Variants in FERRY3 observed in about 807,000 individuals in gnomAD.
FERRY3 encodes FERRY endosomal RAB5 effector complex subunit 3.
chr12:4,518,753 CA>C, the FERRY3 span: 16 of 1,361,230 alleles, frequency 1.2e-5, no homozygotes, highest in Admixed American at 4.0e-5. Flanking sequence ...ATTATAACTG[CA>C]AAAAAATTAA....
the FERRY3 span, among the ~76,000 whole-genome samples, chr12:4,504,306 C>T: frequency 6.6e-6 from 1 of 152,134 alleles, no homozygotes; most frequent in Admixed American, 6.5e-5. Flanking sequence ...AAAAAACCAT[C>T]AAGAGATGGC....
the FERRY3 span, among the ~76,000 whole-genome samples, chr12:4,515,049 G>A: frequency 6.6e-6 from 1 of 152,076 alleles, no homozygotes; most frequent in Non-Finnish European, 1.5e-5. Context: ...CCTACACATT[G>A]TGCACATGTA....
chr12:4,534,229 G>A, the FERRY3 span: 1 of 1,612,198 alleles, frequency 6.2e-7, no homozygotes, highest in African/African-American at 1.3e-5. Context: ...CAGCTGCCAG[G>A]GATGCTTCAG....
chr12:4,527,765 C>CA, the FERRY3 span, among the ~76,000 whole-genome samples: 1 of 151,768 alleles, frequency 6.6e-6, no homozygotes, highest in Non-Finnish European at 1.5e-5. Context: ...AAATAAATTA[C>CA]AAAACTTTTA....
At chr12:4,492,758 T>C in the FERRY3 span, among the ~76,000 whole-genome samples, 1 of 152,170 alleles carries the variant, frequency 6.6e-6, no homozygotes, top group African/African-American at 2.4e-5. Flanking sequence ...ACCACTAATT[T>C]TGGCTATTTT....
At chr12:4,503,808 C>A in the FERRY3 span, among the ~76,000 whole-genome samples, 3 of 151,976 alleles carry the variant, frequency 2.0e-5, no homozygotes, top group Non-Finnish European at 2.9e-5. Flanking sequence ...TGTTAAACAA[C>A]CTATAGGCTT....
At chr12:4,500,285 A>T in the FERRY3 span, 2 of 1,614,112 alleles carry the variant, frequency 1.2e-6, no homozygotes, top group Non-Finnish European at 1.7e-6. Context: ...CCACACAGAG[A>T]TGGAAAGCAA....
chr12:4,536,035 G>A, the FERRY3 span: 5 of 1,578,872 alleles, frequency 3.2e-6, no homozygotes, highest in Admixed American at 7.5e-5. Flanking sequence ...ATAAAGCACG[G>A]TAAACTGTGC....
chr12:4,493,001 C>T, the FERRY3 span, among the ~76,000 whole-genome samples: 1 of 152,110 alleles, frequency 6.6e-6, no homozygotes, highest in African/African-American at 2.4e-5. Flanking sequence ...CACCTCCCTC[C>T]ATTTTTCCTC....
chr12:4,502,288 A>ATCTT, the FERRY3 span: 1 of 376,926 alleles, frequency 2.7e-6, no homozygotes, highest in Non-Finnish European at 5.1e-6. This position sits in a 1 kb window ranked among gnomAD's most constrained non-coding sequence, Gnocchi z 4.2. Context: ...TAAATGTTCT[A>ATCTT]TCTTTAGCAA....
At chr12:4,529,850 T>A in the FERRY3 span, 10 of 1,561,354 alleles carry the variant, frequency 6.4e-6, no homozygotes, top group Non-Finnish European at 8.6e-6. Context: ...ATTCTGATAA[T>A]GCAAGAAATT....
At chr12:4,531,662 C>T in the FERRY3 span, among the ~76,000 whole-genome samples, 2 of 152,212 alleles carry the variant, frequency 1.3e-5, no homozygotes, top group African/African-American at 4.8e-5. Context: ...TATTTCTCCA[C>T]CTCCACTTTC....
At chr12:4,496,477 T>C in the FERRY3 span, among the ~76,000 whole-genome samples, 1 of 152,214 alleles carries the variant, frequency 6.6e-6, no homozygotes, top group Admixed American at 6.5e-5. Flanking sequence ...CCTGTGAGAA[T>C]GCACTGTTAG....
chr12:4,514,526 A>C, the FERRY3 span, among the ~76,000 whole-genome samples: 2 of 152,152 alleles, frequency 1.3e-5, no homozygotes, highest in Non-Finnish European at 2.9e-5. Context: ...CTAGATTAAG[A>C]AAATGTGGCA....
chr12:4,520,938 A>T, the FERRY3 span, among the ~76,000 whole-genome samples: 1 of 152,156 alleles, frequency 6.6e-6, no homozygotes, highest in South Asian at 2.1e-4. Context: ...AGGAAACCAA[A>T]CCTACCTCAA....
At chr12:4,518,010 G>A in the FERRY3 span, 18 of 1,520,392 alleles carry the variant, frequency 1.2e-5, no homozygotes, top group Non-Finnish European at 1.5e-5. Flanking sequence ...TAAGAATGGT[G>A]TTACAGGATG....
the FERRY3 span, among the ~76,000 whole-genome samples, chr12:4,515,502 T>C: frequency 6.6e-6 from 1 of 152,176 alleles, no homozygotes; most frequent in African/African-American, 2.4e-5. Flanking sequence ...ACAACATGGA[T>C]TGACCTGGAG....
chr12:4,523,112 T>C, the FERRY3 span, among the ~76,000 whole-genome samples: 1 of 152,158 alleles, frequency 6.6e-6, no homozygotes, highest in Non-Finnish European at 1.5e-5. Flanking sequence ...GACCTGACTT[T>C]AAAGAAAAAT....
chr12:4,497,677 A>C, the FERRY3 span, among the ~76,000 whole-genome samples: 2 of 152,232 alleles, frequency 1.3e-5, no homozygotes, highest in Admixed American at 1.3e-4. Context: ...TGACTCCAAT[A>C]AGACAGTATC....
Sources: allele counts gnomAD v4.1 joint callset (sites outside exome capture counted in the v4.1 genomes callset), GRCh38; gene constraint gnomAD v4.1.1; non-coding constraint Gnocchi (gnomAD v3.1); transcripts MANE v1.5; gene names NCBI Gene and HGNC (gene_info 2026-07-23, HGNC 2026-07-21).